Variants in NOL3 observed in about 807,000 individuals in gnomAD.
NOL3 encodes muscle-enriched cytoplasmic protein.
In NOL3, 18 loss-of-function variants were observed where a neutral mutation model predicts 19.2. The observed-to-expected ratio is 0.94, with a 90% CI of 0.65 to 1.39. NOL3 has a LOEUF of 1.39. Ranked by LOEUF, NOL3 falls within the 40% of genes most tolerant of loss-of-function variation. The pLI is 0.00. For missense variants in NOL3, 290 were observed against 289.5 expected (o/e 1.00, Z -0.01); for synonymous variants, 127 against 137.3 (o/e 0.93, Z 0.52).
At chr16:67,174,234 C>T (rs777043999) in exon 2 of NOL3, 3 of 1,612,922 alleles carry the variant, frequency 1.9e-6, no homozygotes, top group Non-Finnish European at 1.7e-6. Flanking sequence ...CTGGTCGAGA[C>T]GCTGCAGGCG....
At chr16:67,171,368 G>A (rs1016718549) in intron 1 of NOL3, 4 of 152,296 alleles carry the variant, frequency 2.6e-5, no homozygotes, top group African/African-American at 9.6e-5. Flanking sequence ...AGTCCTGGAC[G>A]ATGGATAGGT....
At position 67,174,614 on chromosome 16, in the gene NOL3, G is replaced by C. The variant is rs2145956612; in HGVS notation, c.296-7G>C. The C allele has an allele frequency of 6.6e-7, 1 of 1,524,816 alleles. No individual in the cohort carries two copies. The highest frequency in any genetic ancestry group is 1.3e-5 in the South Asian group (1 of 76,378). 94.5% of individuals were successfully genotyped at this position (1,524,816 alleles called of 1,614,324 possible). A position where few individuals can be genotyped will look rare whatever the true frequency, so the allele number is the denominator to read the frequency against. On this transcript the variant is annotated splice_region_variant and splice_polypyrimidine_tract_variant and intron_variant, in intron 2 of 3. Coordinates refer to ENST00000268605, the Ensembl canonical transcript of NOL3. ...TTGAGCCTCAGTCACTCCCACTTCC[G>C]CCCCAGGCTACCGGGACCGCAGCTA...
chr16:67,175,682 G>A (rs867089085), exon 4 of NOL3: 2 of 153,260 alleles, frequency 1.3e-5, no homozygotes, highest in African/African-American at 4.8e-5. Context: ...TTACACAAAA[G>A]GCGCTCTATA....
rs1428241288 is a variant in NOL3 at position 67,174,327 on chromosome 16, ATGCCGAGCGCAGGG to A, written c.162_175del (p.Glu55ProfsTer47). On this transcript the variant is annotated frameshift_variant, in exon 2 of 4. Coordinates refer to ENST00000268605, the Ensembl canonical transcript of NOL3. LOFTEE classifies it high-confidence loss of function. ...TACGAGGCATTGGATGCACTGCCTG[ATGCCGAGCGCAGGG>A]TGCGCCGCCTACTGCTGCTGGTGCA... 6.2e-6 allele frequency: 10 copies of A among 1,603,270 alleles called. No individual in the cohort carries two copies. The African/African-American group carries it at 9.3e-5, about 15-fold the overall frequency.
chr16:67,174,507 C>T, intron 2 of NOL3, 43 bp downstream of exon 2: 1 of 1,466,166 alleles, frequency 6.8e-7, no homozygotes, highest in Non-Finnish European at 9.0e-7. Flanking sequence ...AGGGACGGGG[C>T]TGGGGCAGAC....
At chr16:67,175,318 C>G in exon 4 of NOL3, 2 of 1,382,072 alleles carry the variant, frequency 1.4e-6, no homozygotes, top group South Asian at 3.5e-5. Context: ...CCTAATCTGC[C>G]CTTAGGAGTC....
chr16:67,174,820 T>TGAACCG, exon 3 of NOL3: 1 of 1,603,496 alleles, frequency 6.2e-7, no homozygotes, highest in East Asian at 2.2e-5. Context: ...CTAAAGAGGC[T>TGAACCG]GAACCGGAGC....
chr16:67,174,368 G>A lies in NOL3; in HGVS notation c.199G>A (p.Gly67Ser), dbSNP rs980077298. 3.2e-6 allele frequency: 5 copies of A among 1,575,082 alleles called. No homozygotes were observed. Among genetic ancestry groups the A allele is most frequent in the South Asian group, 2.3e-5 (2 of 87,744 alleles). Residue 67 changes from glycine to serine, a missense_variant, in exon 2 of 4, where the codon GGC becomes AGC. By Grantham distance (56) the Gly-to-Ser change is moderately conservative (BLOSUM62 0). This residue lies in a region of NOL3 where 153 missense variants were observed against 149.4 expected (regional missense o/e 1.02). Transcript: ENST00000268605. ...GCGCCGCCTACTGCTGCTGGTGCAG[G>A]GCAAGGGCGAGGCCGCCTGCCAGGA... is the stretch of plus-strand genomic sequence containing the variant.
rs565430576 is a variant in NOL3, at chr16:67,174,197, G to A, written c.28G>A (p.Glu10Lys). Residue 10 changes from glutamate to lysine, a missense_variant, in exon 2 of 4, where the codon GAG becomes AAG. Glu to Lys is a moderately conservative substitution (Grantham distance 56, BLOSUM62 1). Coordinates refer to ENST00000268605, the Ensembl canonical transcript of NOL3. ...GGGCAACGCGCAGGAGCGGCCGTCA[G>A]AGACTATCGACCGCGAGCGGAAACG... is the stretch of plus-strand genomic sequence containing the variant. 4 of 1,612,104 alleles carry A rather than the reference G, an allele frequency of 2.5e-6. No homozygotes were observed. In the African/African-American group the frequency reaches 5.3e-5, roughly 21 times the overall value.
chr16:67,173,524 G>T (rs1355917443), intron 1 of NOL3, among the ~76,000 whole-genome samples: 30 of 152,132 alleles, frequency 2.0e-4, no homozygotes, highest in Admixed American at 2.0e-3. Context: ...GGGCAGGGAG[G>T]CTCTCAGCAC....
At chr16:67,171,311 C>T (rs1050939231) in intron 1 of NOL3, 1 of 152,342 alleles carries the variant, frequency 6.6e-6, no homozygotes. Context: ...GAAGGAACCA[C>T]CAGCCCTTGG....
chr16:67,174,910 C>T lies in NOL3; in HGVS notation c.585C>T (p.Pro195=), dbSNP rs751328218. ...TGGAGCCAGAACCGGACCCAGAGCC[C>T]GAGCCCGACTTCGAGGAAAGGGACG... The change falls in exon 3 of 4, where the codon CCC becomes CCT. Residue 195 remains proline, a synonymous_variant. Coordinates refer to ENST00000268605, the Ensembl canonical transcript of NOL3. 20 of 1,613,144 alleles carry T rather than the reference C, an allele frequency of 1.2e-5. No individual in the cohort carries two copies. The Middle Eastern group carries it at 9.9e-4, about 80-fold the overall frequency.
intron 1 of NOL3, chr16:67,171,962 G>T (rs867106475): frequency 6.6e-5 from 10 of 152,314 alleles, no homozygotes; most frequent in African/African-American, 2.2e-4. Flanking sequence ...GTGGGGAAGG[G>T]CTTCAATGGG....
exon 2 of NOL3, chr16:67,174,323 C>G: frequency 6.2e-7 from 1 of 1,604,820 alleles, no homozygotes; most frequent in Non-Finnish European, 8.5e-7. Flanking sequence ...GGATGCACTG[C>G]CTGATGCCGA....
chr16:67,174,119 G>C, intron 1 of NOL3, 43 bp from the exon 2 acceptor site: 1 of 1,602,292 alleles, frequency 6.2e-7, no homozygotes, highest in Non-Finnish European at 8.5e-7. Context: ...AGGGCAGCGG[G>C]GAGGGCAACC....
Position 67,174,466 on chromosome 16 carries a change from T to A in NOL3, c.295+2T>A. ...GGGACTGGCAGCACGTGGGTCCGGGTGAGCGCGCGGGGCGGGGCCTAGGGC... is the reference window on the plus strand; with the variant it reads ...GGGACTGGCAGCACGTGGGTCCGGGAGAGCGCGCGGGGCGGGGCCTAGGGC... On this transcript the variant is annotated splice_donor_variant, in intron 2 of 3. Transcript: ENST00000268605. LOFTEE classifies it high-confidence loss of function. The A allele has an allele frequency of 6.7e-7, 1 of 1,484,798 alleles. No homozygotes were observed. Among genetic ancestry groups the A allele is most frequent in the African/African-American group, 1.4e-5 (1 of 71,914 alleles). 92.0% of individuals were successfully genotyped at this position (1,484,798 alleles called of 1,614,324 possible). A position where few individuals can be genotyped will look rare whatever the true frequency, so the allele number is the denominator to read the frequency against.
chr16:67,173,725 A>G, intron 1 of NOL3: 1 of 702,248 alleles, frequency 1.4e-6, no homozygotes, highest in Non-Finnish European at 2.3e-6. Flanking sequence ...ATCAGCATCA[A>G]TCCTAGGTTT....
At chr16:67,173,774 G>C in intron 1 of NOL3, 2 of 1,155,244 alleles carry the variant, frequency 1.7e-6, no homozygotes, top group Non-Finnish European at 2.4e-6. Context: ...TTGAGAGAAA[G>C]ACCTTAGTTT....
chr16:67,174,510 G>A, intron 2 of NOL3, 46 bp downstream of exon 2: 1 of 1,467,356 alleles, frequency 6.8e-7, no homozygotes. Flanking sequence ...GACGGGGCTG[G>A]GGCAGACAAA....
Sources: gnomAD v4.1 joint callset for allele counts (sites outside exome capture counted in the v4.1 genomes callset) on GRCh38, gnomAD v4.1.1 for gene constraint, gnomAD v4.1.1 regional missense constraint, MANE v1.5 for transcripts, NCBI Gene and HGNC (gene_info 2026-07-23, HGNC 2026-07-21) for gene names.